The following OPCML variants were observed in gnomAD, a reference collection of about 807,000 sequenced individuals.
OPCML encodes the protein opioid binding protein/cell adhesion molecule like, also known as opioid-binding protein/cell adhesion molecule.
OPCML carries 13 observed loss-of-function variants against 37.8 expected under a neutral mutation model. The observed-to-expected ratio is 0.34, with a 90% confidence interval of 0.22 to 0.55. The LOEUF is 0.55. Ranked by LOEUF, OPCML falls within the 20% of genes least tolerant of loss-of-function variation. The pLI is 0.91. For missense variants in OPCML, 341 were observed against 435.6 expected (o/e 0.78, Z 1.93); for synonymous variants, 176 against 168.8 (o/e 1.04, Z -0.33).
At chr11:133,024,523 C>T in intron 1 of OPCML, 27 of 985,348 alleles carry the variant, frequency 2.7e-5, no homozygotes, top group Non-Finnish European at 3.3e-5. Context: ...ACGCTTATTG[C>T]CTGCTGTAAT....
chr11:132,450,638 G>A (rs966616692), intron 4 of OPCML, among the ~76,000 whole-genome samples: 2 of 151,688 alleles, frequency 1.3e-5, no homozygotes, highest in Admixed American at 6.6e-5. Context: ...CGAAATTAAT[G>A]TAAAAAACAG....
chr11:132,878,114 G>A (rs7108778), intron 2 of OPCML, among the ~76,000 whole-genome samples: 6,966 of 151,998 alleles, frequency 0.046, 223 homozygotes, highest in African/African-American at 0.086. Context: ...CCCAGGAGGC[G>A]GAGATTGCAG....
At chr11:133,103,615 A>G (rs1949116917) in intron 1 of OPCML, among the ~76,000 whole-genome samples, 2 of 152,216 alleles carry the variant, frequency 1.3e-5, no homozygotes, top group Non-Finnish European at 2.9e-5. Flanking sequence ...TTAAGCTTCT[A>G]TTGTATCACA....
intron 1 of OPCML, among the ~76,000 whole-genome samples, chr11:133,182,453 T>A (rs1937877590): frequency 6.6e-6 from 1 of 152,182 alleles, no homozygotes; most frequent in Non-Finnish European, 1.5e-5. Context: ...GCCAGCTGCC[T>A]GCCAGTTATG....
chr11:133,020,284 C>T (rs1328079606), intron 1 of OPCML, among the ~76,000 whole-genome samples: 1 of 152,194 alleles, frequency 6.6e-6, no homozygotes, highest in African/African-American at 2.4e-5. Flanking sequence ...CCCTGGATTG[C>T]AATGGATTGC....
At chr11:132,452,673 C>A (rs746879513) in intron 4 of OPCML, among the ~76,000 whole-genome samples, 2 of 152,040 alleles carry the variant, frequency 1.3e-5, no homozygotes, top group Non-Finnish European at 2.9e-5. Context: ...TCCCTCACTT[C>A]CTTTGTTCCT....
chr11:132,996,882 C>T (rs960908799), intron 1 of OPCML, among the ~76,000 whole-genome samples: 9 of 152,148 alleles, frequency 5.9e-5, no homozygotes, highest in Non-Finnish European at 1.2e-4. Flanking sequence ...CGCTCAGTGA[C>T]AGATTTCTAT....
intron 2 of OPCML, among the ~76,000 whole-genome samples, chr11:132,873,213 T>A (rs1213372123): frequency 6.6e-6 from 1 of 152,172 alleles, no homozygotes; most frequent in Non-Finnish European, 1.5e-5. Flanking sequence ...GAACTTAGAT[T>A]TCATAACAAT....
chr11:132,860,276 TC>T (rs1468351616), intron 2 of OPCML, among the ~76,000 whole-genome samples: 20 of 152,342 alleles, frequency 1.3e-4, no homozygotes, highest in African/African-American at 4.8e-4. Flanking sequence ...CTTCTCATGT[TC>T]CTGAACCTGA....
At chr11:133,421,018 G>T (rs1565625214) in intron 1 of OPCML, 1 of 985,218 alleles carries the variant, frequency 1.0e-6, no homozygotes, top group African/African-American at 1.7e-5. Flanking sequence ...ACTAAAATAG[G>T]AGAGAATCAT....
chr11:133,253,114 C>T (rs1027054446), intron 1 of OPCML, among the ~76,000 whole-genome samples: 8 of 145,866 alleles, frequency 5.5e-5, no homozygotes, highest in Admixed American at 4.4e-4. Flanking sequence ...CCATTGCACT[C>T]CAGCCTGGGT....
intron 4 of OPCML, among the ~76,000 whole-genome samples, chr11:132,463,694 G>T (rs2096110493): frequency 6.6e-6 from 1 of 152,196 alleles, no homozygotes; most frequent in African/African-American, 2.4e-5. Context: ...GCCAATGGAG[G>T]TGCACAGACT....
At chr11:132,493,816 T>A (rs1273904559) in intron 4 of OPCML, among the ~76,000 whole-genome samples, 2 of 152,278 alleles carry the variant, frequency 1.3e-5, no homozygotes, top group African/African-American at 4.8e-5. Flanking sequence ...AACTCCATTT[T>A]ATCCTGATCC....
chr11:133,093,986 T>C (rs1481312487), intron 1 of OPCML, among the ~76,000 whole-genome samples: 1 of 152,164 alleles, frequency 6.6e-6, no homozygotes, highest in Non-Finnish European at 1.5e-5. Flanking sequence ...GCATTGTCTA[T>C]GTGGTTTATT....
At chr11:132,461,451 A>C (rs975104576) in intron 4 of OPCML, among the ~76,000 whole-genome samples, 1 of 152,140 alleles carries the variant, frequency 6.6e-6, no homozygotes, top group Non-Finnish European at 1.5e-5. Context: ...AAGGTCAAGC[A>C]AGCTCCATGC....
chr11:133,430,492 ATAAC>A (rs1946094022), intron 1 of OPCML, among the ~76,000 whole-genome samples: 1 of 152,252 alleles, frequency 6.6e-6, no homozygotes, highest in African/African-American at 2.4e-5. Context: ...ATATAGGTGA[ATAAC>A]TATCTAATGT....
intron 4 of OPCML, among the ~76,000 whole-genome samples, chr11:132,515,686 CCTT>C (rs1225701833): frequency 6.6e-6 from 1 of 152,188 alleles, no homozygotes; most frequent in South Asian, 2.1e-4. Flanking sequence ...CCCTTTTCCT[CCTT>C]CTTCTGAATC....
At chr11:132,776,883 C>T (rs1946827554) in intron 2 of OPCML, among the ~76,000 whole-genome samples, 1 of 152,098 alleles carries the variant, frequency 6.6e-6, no homozygotes, top group African/African-American at 2.4e-5. Context: ...TTGCTCATCG[C>T]TCTCTGTTGC....
chr11:133,093,723 C>T (rs975577022), intron 1 of OPCML, among the ~76,000 whole-genome samples: 1 of 151,770 alleles, frequency 6.6e-6, no homozygotes, highest in African/African-American at 2.4e-5. Context: ...GTCTGACTGA[C>T]GTTGAATATA....
Sources: gnomAD v4.1 joint callset for allele counts (sites outside exome capture counted in the v4.1 genomes callset) on GRCh38, gnomAD v4.1.1 for gene constraint, MANE v1.5 for transcripts, NCBI Gene and HGNC (gene_info 2026-07-23, HGNC 2026-07-21) for gene names.